The following SAMD8 variants were observed in gnomAD, a reference collection of about 807,000 sequenced individuals.
SAMD8 encodes the protein sterile alpha motif domain containing 8.
A neutral mutation model predicts 42.0 loss-of-function variants in SAMD8; 20 were observed. That is an observed-to-expected ratio of 0.48 (90% CI 0.34 to 0.69). SAMD8 has a LOEUF of 0.69. Among genes scored for constraint, SAMD8 ranks in the 30% least tolerant of loss-of-function variants. The pLI is 0.01. For missense variants in SAMD8, 328 were observed against 511.6 expected (o/e 0.64, Z 3.46); for synonymous variants, 162 against 173.0 (o/e 0.94, Z 0.50).
chr10:75,111,670 G>T lies in SAMD8; in HGVS notation c.-68G>T, dbSNP rs1297840442. 7 of 1,239,474 alleles carry T rather than the reference G, an allele frequency of 5.6e-6. No individual in the cohort carries two copies. In the South Asian group the frequency reaches 2.2e-4, roughly 39 times the overall value. The allele number at this position is 1,239,474 out of a possible 1,614,324, so 76.8% of individuals were successfully genotyped here. A position where few individuals can be genotyped will look rare whatever the true frequency, so the allele number is the denominator to read the frequency against. On this transcript the variant is annotated 5_prime_UTR_variant, in exon 1 of 6. Transcript: ENST00000542569. ...GGGAGGGCCCCGGACTCCGACGGCG[G>T]CTCGGACGCCGACTCGGAGGTGGGT...
intron 1 of SAMD8, among the ~76,000 whole-genome samples, chr10:75,134,884 C>T (rs1382186608): frequency 6.6e-6 from 1 of 151,510 alleles, no homozygotes; most frequent in African/African-American, 2.4e-5. Context: ...TAGTGAGACC[C>T]TGTCTCTACA....
chr10:75,131,807 C>T (rs1247708315), intron 1 of SAMD8, among the ~76,000 whole-genome samples: 1 of 152,158 alleles, frequency 6.6e-6, no homozygotes, highest in Non-Finnish European at 1.5e-5. Context: ...AGTTTAATTT[C>T]AACACCAATA....
chr10:75,157,566 C>A (rs971124728), intron 2 of SAMD8, among the ~76,000 whole-genome samples: 2 of 151,972 alleles, frequency 1.3e-5, no homozygotes, highest in Non-Finnish European at 2.9e-5. Flanking sequence ...TGTTTAAAGA[C>A]AAAATGGAGA....
At chr10:75,145,949 T>C (rs1840120602) in intron 1 of SAMD8, among the ~76,000 whole-genome samples, 1 of 152,178 alleles carries the variant, frequency 6.6e-6, no homozygotes, top group Admixed American at 6.6e-5. Context: ...AATTGGGTGG[T>C]CTTTCCTTGG....
chr10:75,117,036 C>T (rs1848899361), intron 1 of SAMD8, among the ~76,000 whole-genome samples: 2 of 149,388 alleles, frequency 1.3e-5, no homozygotes, highest in South Asian at 2.3e-4. Context: ...GTTTTGAACT[C>T]CTCGGCTCAA....
intron 1 of SAMD8, among the ~76,000 whole-genome samples, chr10:75,116,289 G>C (rs574127239): frequency 6.6e-6 from 1 of 152,124 alleles, no homozygotes; most frequent in Admixed American, 6.5e-5. Flanking sequence ...TTCTTTTGTA[G>C]AGATGGGGTA....
chr10:75,103,398 A>G (rs912663776), intron 1 of SAMD8, among the ~76,000 whole-genome samples: 4 of 152,204 alleles, frequency 2.6e-5, no homozygotes, highest in African/African-American at 9.6e-5. Flanking sequence ...TGCAGGCAGA[A>G]GCAGTGTGTC....
chr10:75,105,839 C>A, intron 1 of SAMD8: 4 of 1,550,624 alleles, frequency 2.6e-6, no homozygotes, highest in Non-Finnish European at 2.6e-6. Flanking sequence ...GAGCGGCTCA[C>A]GCCCACCACA....
chr10:75,109,288 G>A, upstream of SAMD8: 2 of 1,070,254 alleles, frequency 1.9e-6, no homozygotes, highest in Non-Finnish European at 2.5e-6. Context: ...GGGGCCTCTG[G>A]AGTGGACAAG....
At chr10:75,165,493 A>T (rs1377082906) in intron 3 of SAMD8, among the ~76,000 whole-genome samples, 1 of 151,306 alleles carries the variant, frequency 6.6e-6, no homozygotes, top group African/African-American at 2.4e-5. Context: ...ACACGGTGAA[A>T]CCCTGTCTCT....
At chr10:75,162,165 C>G (rs1840572156) in intron 2 of SAMD8, among the ~76,000 whole-genome samples, 1 of 152,128 alleles carries the variant, frequency 6.6e-6, no homozygotes, top group Non-Finnish European at 1.5e-5. Context: ...TTGAGACCGG[C>G]CTAGCCAACA....
chr10:75,109,744 T>C (rs116590293), upstream of SAMD8, among the ~76,000 whole-genome samples: 310 of 152,100 alleles, frequency 2.0e-3, 2 homozygotes, highest in African/African-American at 5.9e-3. Context: ...GTCAGAGAAA[T>C]ATGGGTAAGA....
intron 1 of SAMD8, among the ~76,000 whole-genome samples, chr10:75,143,166 G>C (rs1840060626): frequency 6.6e-6 from 1 of 152,122 alleles, no homozygotes. Flanking sequence ...AATTAGCCTG[G>C]TGCAGTGGCA....
chr10:75,160,488 G>A (rs1192187528), intron 2 of SAMD8, among the ~76,000 whole-genome samples: 1 of 151,936 alleles, frequency 6.6e-6, no homozygotes, highest in Non-Finnish European at 1.5e-5. Context: ...TTACAGGCGT[G>A]AGCCACCATG....
chr10:75,168,551 C>G lies in SAMD8; in HGVS notation c.685C>G (p.Leu229Val). 1 of 1,613,372 alleles carries G rather than the reference C, an allele frequency of 6.2e-7. No homozygotes were observed. The highest frequency in any genetic ancestry group is 8.5e-7 in the Non-Finnish European group (1 of 1,179,368). The change falls in exon 4 of 6, where the codon CTG (leucine) becomes GTG (valine). Residue 229 changes from leucine (L) to valine (V), a missense_variant. By Grantham distance (32) the Leu-to-Val change is conservative. This residue lies in a region of SAMD8 where 178 missense variants were observed against 325.6 expected (regional missense o/e 0.55). Coordinates refer to ENST00000542569, the MANE Select transcript of SAMD8 (RefSeq NM_001174156.2). ...GTTGATCTGTTACAGGTCAATACTT[C>G]TGCGAAGGCTCTGTAGTCTGATGGG... ...LLLHKHRSIL[L>V]RRLCSLMGTV... is the part of the protein sequence containing the mutation.
chr10:75,116,853 G>A (rs1312762645), intron 1 of SAMD8, among the ~76,000 whole-genome samples: 3 of 151,896 alleles, frequency 2.0e-5, no homozygotes, highest in Non-Finnish European at 4.4e-5. Flanking sequence ...CTTCGTTGCC[G>A]AAGCCTGGTG....
At chr10:75,137,495 G>A (rs1275307987) in intron 1 of SAMD8, among the ~76,000 whole-genome samples, 1 of 151,318 alleles carries the variant, frequency 6.6e-6, no homozygotes, top group East Asian at 1.9e-4. Context: ...AGCCAAGATC[G>A]TGCCACTGCA....
chr10:75,100,249 G>C (rs534871146), intron 1 of SAMD8, among the ~76,000 whole-genome samples: 16 of 152,240 alleles, frequency 1.1e-4, no homozygotes, highest in African/African-American at 3.9e-4. Context: ...CTCTGCCTCC[G>C]AGGGGACCTA....
intron 2 of SAMD8, among the ~76,000 whole-genome samples, chr10:75,159,467 T>C (rs1255621340): frequency 6.6e-6 from 1 of 152,214 alleles, no homozygotes; most frequent in African/African-American, 2.4e-5. Flanking sequence ...ATCTAAACTT[T>C]ATTCATAGGA....
Sources: allele counts gnomAD v4.1 joint callset (sites outside exome capture counted in the v4.1 genomes callset), GRCh38; gene constraint gnomAD v4.1.1; regional missense constraint gnomAD v4.1.1; transcripts MANE v1.5; gene names NCBI Gene and HGNC (gene_info 2026-07-23, HGNC 2026-07-21).